Variants in SVEP1 observed in about 807,000 individuals in gnomAD.
SVEP1 encodes sushi, von Willebrand factor type A, EGF and pentraxin domain containing 1.
SVEP1 carries 164 observed loss-of-function variants against 367.3 expected under a neutral mutation model. The ratio of observed to expected loss-of-function variants is 0.45; its 90% confidence interval spans 0.39 to 0.51. SVEP1 has a LOEUF of 0.51. Among genes scored for constraint, SVEP1 ranks in the 20% least tolerant of loss-of-function variants. The probability of loss-of-function intolerance (pLI) is 0.00; values close to 1 mark genes in which losing one functional copy is unlikely to be tolerated. For synonymous variants in SVEP1, 1,666 were observed against 1,611.6 expected, an observed-to-expected ratio of 1.03 and a Z score of -0.81; for missense variants, 4,117 against 4,425.3, an observed-to-expected ratio of 0.93 and a Z score of 1.98.
Position 110,528,156 on chromosome 9 carries a change from G to GTGTGTA in SVEP1, c.965-14051_965-14050insTACACA. On this transcript the variant is annotated intron_variant, in intron 3 of 47. Coordinates refer to ENST00000374469, the MANE Select transcript of SVEP1 (RefSeq NM_153366.4). ...CGTGTGTGTGTGTGTGTGTGTGTGT[G>GTGTGTA]TATATATATATATATATATATATAT... Among the ~76,000 whole-genome samples, 66 of 33,940 alleles carry GTGTGTA rather than the reference G, an allele frequency of 1.9e-3. 1 individual carries two copies. Among genetic ancestry groups the GTGTGTA allele is most frequent in the African/African-American group, 4.0e-3 (38 of 9,468 alleles). 22.3% of individuals were successfully genotyped at this position (33,940 alleles called of 152,430 possible). A position where few individuals can be genotyped will look rare whatever the true frequency, so the allele number is the denominator to read the frequency against.
chr9:110,455,168 T>C (rs1828759813), intron 22 of SVEP1, among the ~76,000 whole-genome samples: 1 of 152,202 alleles, frequency 6.6e-6, no homozygotes, highest in African/African-American at 2.4e-5. Context: ...GAAATTGGCA[T>C]ATACACTTCA....
intron 26 of SVEP1, 97 bp from the exon 27 acceptor site, chr9:110,443,817 G>A: frequency 9.4e-7 from 1 of 1,065,268 alleles, no homozygotes. Flanking sequence ...TTCTTTTTTT[G>A]TGGGTAAAGT....
intron 13 of SVEP1, among the ~76,000 whole-genome samples, chr9:110,479,284 G>A (rs772554484): frequency 6.6e-6 from 1 of 152,024 alleles, no homozygotes; most frequent in Non-Finnish European, 1.5e-5. Flanking sequence ...TCTTTTAAAT[G>A]TACAATTATC....
intron 5 of SVEP1, among the ~76,000 whole-genome samples, chr9:110,506,188 T>C (rs1361486149): frequency 1.3e-5 from 2 of 152,196 alleles, no homozygotes; most frequent in African/African-American, 4.8e-5. Context: ...ATGGTGCATA[T>C]GTGCCACAAT....
intron 3 of SVEP1, among the ~76,000 whole-genome samples, chr9:110,523,612 A>G (rs1403775053): frequency 1.3e-5 from 2 of 152,198 alleles, no homozygotes; most frequent in Admixed American, 1.3e-4. Flanking sequence ...TCACTTAAAC[A>G]TAATATAGGC....
intron 40 of SVEP1, among the ~76,000 whole-genome samples, chr9:110,399,887 A>T (rs368591393): frequency 1.2e-4 from 18 of 152,344 alleles, no homozygotes; most frequent in African/African-American, 4.1e-4. Context: ...GAGTTTCCTG[A>T]ATAACTAAAT....
At chr9:110,387,111 A>G (rs1362663249) in intron 42 of SVEP1, among the ~76,000 whole-genome samples, 174 bp downstream of exon 42, 1 of 152,212 alleles carries the variant, frequency 6.6e-6, no homozygotes. Flanking sequence ...GACAGGACTT[A>G]GATAACACAA....
At chr9:110,506,624 T>C (rs1240581406) in intron 5 of SVEP1, among the ~76,000 whole-genome samples, 1 of 152,208 alleles carries the variant, frequency 6.6e-6, no homozygotes, top group Non-Finnish European at 1.5e-5. Context: ...GAGCCTCTGA[T>C]CTATCATCTT....
Position 110,503,421 on chromosome 9 carries a change from A to G in SVEP1, c.1304-204T>C, listed in dbSNP as rs1262175349. ...TTACCAAATGCATTGCCTAAATAATATCATCGCATGCAGCCCTCTGCCCAT... is the reference window on the plus strand; with the variant it reads ...TTACCAAATGCATTGCCTAAATAATGTCATCGCATGCAGCCCTCTGCCCAT... On this transcript the variant is annotated intron_variant, in intron 5 of 47. Coordinates refer to ENST00000374469, the MANE Select transcript of SVEP1 (RefSeq NM_153366.4). Among the ~76,000 whole-genome samples the G allele has an allele frequency of 2.6e-5, 4 of 152,326 alleles. No homozygotes were observed. In the South Asian group the frequency reaches 6.2e-4, roughly 24 times the overall value.
intron 5 of SVEP1, among the ~76,000 whole-genome samples, chr9:110,507,352 A>G (rs1002975898): frequency 6.6e-6 from 1 of 152,232 alleles, no homozygotes; most frequent in Admixed American, 6.5e-5. Flanking sequence ...ACCTTAAAAT[A>G]CCAGGAAAGG....
chr9:110,450,511 C>T (rs1237084247), intron 23 of SVEP1, among the ~76,000 whole-genome samples: 1 of 140,976 alleles, frequency 7.1e-6, no homozygotes, highest in African/African-American at 2.6e-5. Context: ...GCTCTCTCTC[C>T]CAGTCTGGAG....
chr9:110,452,446 T>C (rs1564146880), intron 22 of SVEP1, among the ~76,000 whole-genome samples: 1 of 152,204 alleles, frequency 6.6e-6, no homozygotes. Context: ...AGGATACAGG[T>C]GCATAATTTT....
At chr9:110,390,102 TATATAA>T (rs1827612867) in intron 40 of SVEP1, among the ~76,000 whole-genome samples, 1 of 115,610 alleles carries the variant, frequency 8.6e-6, no homozygotes, top group Non-Finnish European at 1.8e-5. Context: ...CATACATACT[TATATAA>T]GTATATATAC....
At chr9:110,401,123 AC>A in intron 39 of SVEP1, 114 bp from the exon 40 acceptor site, 1 of 1,315,588 alleles carries the variant, frequency 7.6e-7, no homozygotes, top group Non-Finnish European at 1.0e-6. Flanking sequence ...AGTCAAAAGC[AC>A]CCAGGGTTTG....
At chr9:110,534,898 C>CT (rs1830061276) in intron 3 of SVEP1, among the ~76,000 whole-genome samples, 2 of 151,774 alleles carry the variant, frequency 1.3e-5, no homozygotes, top group African/African-American at 4.8e-5. Flanking sequence ...GTTTAAGTTC[C>CT]TTATAGGTGC....
intron 36 of SVEP1, among the ~76,000 whole-genome samples, chr9:110,423,369 A>G (rs937993497): frequency 6.6e-6 from 1 of 152,002 alleles, no homozygotes; most frequent in Non-Finnish European, 1.5e-5. Flanking sequence ...GTGTGATGCA[A>G]AAAGAAATAG....
chr9:110,413,509 T>C (rs1320253434), intron 36 of SVEP1, among the ~76,000 whole-genome samples: 5 of 151,534 alleles, frequency 3.3e-5, no homozygotes, highest in Non-Finnish European at 7.4e-5. Flanking sequence ...ACCTGCACAA[T>C]GTGCACATGT....
In SVEP1 at chr9:110,406,614, T is replaced by C. The variant is rs370559335; in HGVS notation, c.8986A>G (p.Ser2996Gly). ...SRRCLSNGSW[S>G]GSSPSCLPCR... ...GGCAGGCAGGAAGGTGAGCTGCCAC[T>C]CCAGGAGCCATTGGAGAGGCACCTT... Residue 2996 changes from serine to glycine, a missense_variant, in exon 38 of 48, where the codon AGT (serine) becomes GGT (glycine). This residue lies in a region of SVEP1 where 1,765 missense variants were observed against 1,781.1 expected (regional missense o/e 0.99). Transcript: ENST00000374469. The C allele has an allele frequency of 4.3e-6, 7 of 1,613,942 alleles. No homozygotes were observed. The highest frequency in any genetic ancestry group is 2.2e-5 in the East Asian group (1 of 44,882).
At chr9:110,525,527 C>T (rs1032798614) in intron 3 of SVEP1, among the ~76,000 whole-genome samples, 4 of 151,906 alleles carry the variant, frequency 2.6e-5, no homozygotes, top group Admixed American at 1.3e-4. Flanking sequence ...AATACAACTC[C>T]GAGGAAAATC....
Sources: allele counts gnomAD v4.1 joint callset (sites outside exome capture counted in the v4.1 genomes callset), GRCh38; gene constraint gnomAD v4.1.1; regional missense constraint gnomAD v4.1.1; transcripts MANE v1.5; gene names NCBI Gene and HGNC (gene_info 2026-07-23, HGNC 2026-07-21).